Variants in MBD5 observed in about 807,000 individuals in gnomAD.
MBD5 encodes the protein methyl-CpG-binding domain protein 5.
MBD5 carries 13 observed loss-of-function variants against 117.3 expected under a neutral mutation model. That is an observed-to-expected ratio of 0.11 (90% CI 0.07 to 0.18). MBD5 has a LOEUF of 0.18. MBD5 is among the 10% of genes least tolerant of loss of function. The probability of loss-of-function intolerance (pLI) is 1.00; values close to 1 mark genes in which losing one functional copy is unlikely to be tolerated. For synonymous variants in MBD5, 727 were observed against 766.4 expected (o/e 0.95, Z 0.85); for missense variants, 1,879 against 2,093.8 (o/e 0.90, Z 2.00).
At chr2:148,345,540 C>CATACATATACATATGT (rs1559033302) in intron 4 of MBD5, among the ~76,000 whole-genome samples, 43 of 69,138 alleles carry the variant, frequency 6.2e-4, no homozygotes, top group Admixed American at 2.1e-3. Flanking sequence ...TGTATATACA[C>CATACATATACATATGT]ATATACACAT....
chr2:148,497,761 G>A (rs1300397100), intron 11 of MBD5, among the ~76,000 whole-genome samples: 2 of 150,892 alleles, frequency 1.3e-5, no homozygotes, highest in African/African-American at 4.9e-5. Flanking sequence ...CTCCAGCCTG[G>A]GTGACAGAGT....
At chr2:148,202,996 TCAGGAGGCTGAAG>T (rs1699180452) in intron 2 of MBD5, among the ~76,000 whole-genome samples, 1 of 151,648 alleles carries the variant, frequency 6.6e-6, no homozygotes, top group Admixed American at 6.6e-5. Context: ...TACCAGGTAC[TCAGGAGGCTGAAG>T]CAGGAGAATC....
chr2:148,102,415 T>A (rs546025333), intron 1 of MBD5, among the ~76,000 whole-genome samples: 22 of 152,164 alleles, frequency 1.4e-4, no homozygotes, highest in Non-Finnish European at 2.8e-4. Context: ...TGTGTTATTC[T>A]CTATGTCACA....
intron 1 of MBD5, among the ~76,000 whole-genome samples, chr2:148,122,653 C>T (rs777011944): frequency 7.2e-5 from 11 of 152,102 alleles, no homozygotes; most frequent in South Asian, 2.1e-4. Context: ...ACATTTTCCT[C>T]GAGGTGGCTT....
At chr2:148,346,751 GTCT>G (rs777668477) in intron 4 of MBD5, 29 of 151,474 alleles carry the variant, frequency 1.9e-4, no homozygotes, top group Admixed American at 5.3e-4. Context: ...TCACAATTAT[GTCT>G]TCTTTTTTAT....
intron 2 of MBD5, among the ~76,000 whole-genome samples, chr2:148,188,816 G>T (rs200797828): frequency 1.3e-5 from 2 of 152,076 alleles, no homozygotes; most frequent in South Asian, 2.1e-4. Context: ...CGCAGAAGAC[G>T]GGTGATTTCT....
At chr2:148,507,750 A>G (rs1300865662) in intron 12 of MBD5, among the ~76,000 whole-genome samples, 2 of 147,512 alleles carry the variant, frequency 1.4e-5, no homozygotes. Flanking sequence ...ACAGAGCAAG[A>G]CTCCGTCTCA....
chr2:148,178,199 C>A (rs549662302), intron 1 of MBD5, among the ~76,000 whole-genome samples: 1 of 152,028 alleles, frequency 6.6e-6, no homozygotes, highest in East Asian at 1.9e-4. Flanking sequence ...AAAGTACTGA[C>A]TGGGGAGATT....
intron 1 of MBD5, among the ~76,000 whole-genome samples, chr2:148,106,008 A>C (rs930473245): frequency 6.6e-6 from 1 of 152,116 alleles, no homozygotes; most frequent in Non-Finnish European, 1.5e-5. Flanking sequence ...TTATATGTCA[A>C]TTATTTGAAA....
At chr2:148,174,296 A>T (rs988118592) in intron 1 of MBD5, among the ~76,000 whole-genome samples, 2 of 152,172 alleles carry the variant, frequency 1.3e-5, no homozygotes, top group African/African-American at 4.8e-5. Context: ...CATATACAAA[A>T]ATCAACTCAA....
At chr2:148,409,144 G>A (rs189169692) in intron 4 of MBD5, among the ~76,000 whole-genome samples, 1 of 152,142 alleles carries the variant, frequency 6.6e-6, no homozygotes, top group East Asian at 1.9e-4. Flanking sequence ...CTAGCACTTT[G>A]GGAGGTTGAG....
At chr2:148,086,197 G>T (rs898647681) in intron 1 of MBD5, among the ~76,000 whole-genome samples, 11 of 151,708 alleles carry the variant, frequency 7.3e-5, no homozygotes, top group Admixed American at 1.3e-4. Context: ...GTTTGTGTGT[G>T]TGTGTGTGTG....
At position 148,323,422 on chromosome 2, in the gene MBD5, C is replaced by A. The variant is rs1038378514; in HGVS notation, c.-679-18792C>A. 1.6e-3 allele frequency among the ~76,000 whole-genome samples: 236 copies of A among 151,706 alleles called. 3 individuals carry two copies. Among genetic ancestry groups the A allele is most frequent in the African/African-American group, 4.9e-3 (205 of 41,452 alleles). ...TCTAGATCCCTGAGGAATCGCCACA[C>A]TGACTTCCACAACGGTTGAACTAGT... On this transcript the variant is annotated intron_variant, in intron 3 of 13. Coordinates refer to ENST00000642680, the MANE Select transcript of MBD5 (RefSeq NM_001378120.1).
At chr2:148,103,186 A>G (rs779530048) in intron 1 of MBD5, among the ~76,000 whole-genome samples, 3 of 152,120 alleles carry the variant, frequency 2.0e-5, no homozygotes, top group Non-Finnish European at 4.4e-5. Context: ...TATTGTTCCC[A>G]AGCCAAAGCC....
intron 2 of MBD5, among the ~76,000 whole-genome samples, chr2:148,223,894 A>G (rs944569321): frequency 7.2e-5 from 11 of 151,960 alleles, no homozygotes; most frequent in Admixed American, 4.6e-4. Context: ...TACGTTTGCT[A>G]TATTCCATAG....
intron 3 of MBD5, among the ~76,000 whole-genome samples, chr2:148,280,148 A>AC (rs1701214276): frequency 6.7e-6 from 1 of 150,104 alleles, no homozygotes; most frequent in Admixed American, 6.6e-5. Context: ...AAAAAAAAAA[A>AC]AACAAAAAGA....
At chr2:148,504,312 T>C (rs1415246507) in intron 12 of MBD5, among the ~76,000 whole-genome samples, 3 of 152,244 alleles carry the variant, frequency 2.0e-5, no homozygotes, top group African/African-American at 7.2e-5. Context: ...CGATGCCCAG[T>C]AGAATGCTTT....
intron 7 of MBD5, 143 bp downstream of exon 7, chr2:148,464,062 A>T: frequency 2.3e-6 from 2 of 886,066 alleles, no homozygotes; most frequent in South Asian, 3.6e-5. Flanking sequence ...TAATTTTATT[A>T]CAAATAGCAA....
chr2:148,324,347 A>C (rs568865355), intron 3 of MBD5, among the ~76,000 whole-genome samples: 90 of 152,242 alleles, frequency 5.9e-4, no homozygotes, highest in African/African-American at 2.1e-3. Context: ...TATGAACTTT[A>C]AAGTAGTTTT....
Sources: allele counts gnomAD v4.1 joint callset (sites outside exome capture counted in the v4.1 genomes callset), GRCh38; gene constraint gnomAD v4.1.1; transcripts MANE v1.5; gene names NCBI Gene and HGNC (gene_info 2026-07-23, HGNC 2026-07-21).